Variants in BBX observed in about 807,000 individuals in gnomAD.
BBX encodes BBX high mobility group box domain containing.
A neutral mutation model predicts 100.2 loss-of-function variants in BBX; 30 were observed. That is an observed-to-expected ratio of 0.30 (90% CI 0.22 to 0.41). The LOEUF (loss-of-function observed/expected upper bound fraction) is 0.41, where lower values mean the gene tolerates loss of function less well. BBX is among the 10% of genes least tolerant of loss of function. The pLI is 1.00. For missense variants in BBX, 1,023 were observed against 1,129.8 expected, an observed-to-expected ratio of 0.91 and a Z score of 1.35; for synonymous variants, 376 against 388.1, an observed-to-expected ratio of 0.97 and a Z score of 0.37.
At chr3:107,780,928 AAG>A (rs566930055) in intron 13 of BBX, among the ~76,000 whole-genome samples, 305 of 152,174 alleles carry the variant, frequency 2.0e-3, no homozygotes, top group African/African-American at 6.7e-3. Flanking sequence ...TCATTAATAA[AAG>A]AGTATATGTC....
At chr3:107,566,036 A>C (rs1403928912) in intron 2 of BBX, among the ~76,000 whole-genome samples, 3 of 151,766 alleles carry the variant, frequency 2.0e-5, no homozygotes, top group African/African-American at 7.2e-5. Flanking sequence ...TTAGCCAGGC[A>C]TGGTGGTGGA....
chr3:107,726,556 C>G (rs895836518), intron 5 of BBX, among the ~76,000 whole-genome samples: 21 of 151,840 alleles, frequency 1.4e-4, no homozygotes, highest in African/African-American at 5.1e-4. Context: ...AGAGTGTTGA[C>G]CCTCATAGTA....
chr3:107,584,048 TATATATTATATATATC>T (rs1377026743), intron 2 of BBX, among the ~76,000 whole-genome samples: 4 of 41,572 alleles, frequency 9.6e-5, no homozygotes, highest in Admixed American at 4.1e-4. Context: ...ATATATATTA[TATATATTATATATATC>T]ATATATTATA....
At chr3:107,707,799 A>T (rs1290300485) in intron 3 of BBX, among the ~76,000 whole-genome samples, 3 of 152,196 alleles carry the variant, frequency 2.0e-5, no homozygotes, top group African/African-American at 7.2e-5. Context: ...CTCTTTGAAT[A>T]TTGAAATTAC....
At chr3:107,580,924 C>T (rs944718745) in intron 2 of BBX, among the ~76,000 whole-genome samples, 1 of 152,216 alleles carries the variant, frequency 6.6e-6, no homozygotes, top group African/African-American at 2.4e-5. Context: ...AGCCGTCACA[C>T]CCAGCACAGT....
intron 10 of BBX, among the ~76,000 whole-genome samples, chr3:107,756,018 A>G (rs1286543899): frequency 6.6e-6 from 1 of 152,192 alleles, no homozygotes; most frequent in Non-Finnish European, 1.5e-5. Flanking sequence ...ACCGTCTATA[A>G]ATCTCCAGAA....
chr3:107,805,634 C>A lies in BBX; in HGVS notation c.*177C>A. The A allele has an allele frequency of 2.5e-6, 3 of 1,200,214 alleles. No homozygotes were observed. The highest frequency in any genetic ancestry group is 3.5e-6 in the Non-Finnish European group (3 of 866,236). The allele number at this position is 1,200,214 out of a possible 1,614,324, so 74.3% of individuals were successfully genotyped here. ...AGCATCCTGGGCCAGTTTGTTCTCTCAGAACCCAGAATCTTTGAGGGTAAG... is the reference window on the plus strand; with the variant it reads ...AGCATCCTGGGCCAGTTTGTTCTCTAAGAACCCAGAATCTTTGAGGGTAAG... On this transcript the variant is annotated 3_prime_UTR_variant, in exon 18 of 18. Transcript: ENST00000325805.
At chr3:107,753,349 C>A (rs1006256802) in intron 9 of BBX, among the ~76,000 whole-genome samples, 1 of 152,088 alleles carries the variant, frequency 6.6e-6, no homozygotes, top group African/African-American at 2.4e-5. Flanking sequence ...AAAAATGTTA[C>A]TGTTAGGAGA....
intron 9 of BBX, among the ~76,000 whole-genome samples, chr3:107,754,402 A>C (rs1338765100): frequency 6.6e-6 from 1 of 152,218 alleles, no homozygotes; most frequent in African/African-American, 2.4e-5. Context: ...TGTATCTTCT[A>C]AAGGAAAAGT....
At chr3:107,615,097 G>T in intron 2 of BBX, among the ~76,000 whole-genome samples, 1 of 152,144 alleles carries the variant, frequency 6.6e-6, no homozygotes, top group East Asian at 1.9e-4. Flanking sequence ...CTTTTGAGGA[G>T]GGGACAAGTA....
chr3:107,605,660 T>C (rs1002018589), intron 2 of BBX, among the ~76,000 whole-genome samples: 1 of 152,186 alleles, frequency 6.6e-6, no homozygotes, highest in Non-Finnish European at 1.5e-5. Flanking sequence ...ATCGTTTTGT[T>C]CTTAATAAAT....
chr3:107,742,290 C>G (rs1006445361), intron 7 of BBX, among the ~76,000 whole-genome samples: 2 of 151,332 alleles, frequency 1.3e-5, no homozygotes. Flanking sequence ...GGCATTGTTT[C>G]TTTCCTTCCC....
intron 13 of BBX, among the ~76,000 whole-genome samples, chr3:107,782,222 T>C (rs1037808902): frequency 6.6e-6 from 1 of 152,068 alleles, no homozygotes; most frequent in Non-Finnish European, 1.5e-5. Flanking sequence ...CTTAACTTGA[T>C]TGTGACTGAT....
chr3:107,545,321 A>G (rs1369523333), intron 2 of BBX, among the ~76,000 whole-genome samples: 2 of 152,244 alleles, frequency 1.3e-5, no homozygotes, highest in Non-Finnish European at 2.9e-5. Flanking sequence ...TATAAGTGCA[A>G]CTTGATGGGA....
chr3:107,648,484 AT>A, intron 3 of BBX, among the ~76,000 whole-genome samples: 1 of 152,212 alleles, frequency 6.6e-6, no homozygotes, highest in East Asian at 1.9e-4. Context: ...GACAGATATT[AT>A]CTAATTTGAT....
chr3:107,645,434 C>G (rs892354164), intron 2 of BBX, among the ~76,000 whole-genome samples: 4 of 152,094 alleles, frequency 2.6e-5, no homozygotes, highest in African/African-American at 7.2e-5. Flanking sequence ...CACAGTTTAT[C>G]TAGTTGAGTG....
At chr3:107,691,782 A>C (rs942427337) in intron 3 of BBX, among the ~76,000 whole-genome samples, 3 of 152,240 alleles carry the variant, frequency 2.0e-5, no homozygotes, top group Non-Finnish European at 2.9e-5. Context: ...ACCTACCTTT[A>C]TGTAATTTGT....
intron 3 of BBX, among the ~76,000 whole-genome samples, chr3:107,674,290 G>T (rs1416493801): frequency 6.6e-6 from 1 of 152,100 alleles, no homozygotes; most frequent in Non-Finnish European, 1.5e-5. Flanking sequence ...GAGCCAGAAA[G>T]GTGTGTCTGA....
At chr3:107,726,693 C>G (rs2062969820) in intron 5 of BBX, among the ~76,000 whole-genome samples, 1 of 151,936 alleles carries the variant, frequency 6.6e-6, no homozygotes, top group Admixed American at 6.6e-5. Context: ...CCTGCCCGAG[C>G]CAGGGGAAGC....
Sources: gnomAD v4.1 joint callset for allele counts (sites outside exome capture counted in the v4.1 genomes callset) on GRCh38, gnomAD v4.1.1 for gene constraint, MANE v1.5 for transcripts, NCBI Gene and HGNC (gene_info 2026-07-23, HGNC 2026-07-21) for gene names.